The following BTBD9 variants were observed in gnomAD, a reference collection of about 807,000 sequenced individuals.
BTBD9 encodes the protein BTB/POZ domain-containing protein 9.
BTBD9 carries 49 observed loss-of-function variants against 64.3 expected under a neutral mutation model. That is an observed-to-expected ratio of 0.76 (90% CI 0.61 to 0.97). The LOEUF (loss-of-function observed/expected upper bound fraction) is 0.97. BTBD9 is among the 50% of genes least tolerant of loss of function. The probability of loss-of-function intolerance (pLI) is 0.00; values close to 1 mark genes in which losing one functional copy is unlikely to be tolerated. For missense variants in BTBD9, 598 were observed against 762.1 expected (o/e 0.78, Z 2.53); for synonymous variants, 260 against 274.7 (o/e 0.95, Z 0.53).
intron 6 of BTBD9, among the ~76,000 whole-genome samples, chr6:38,556,974 T>C (rs535861962): frequency 2.6e-5 from 3 of 117,298 alleles, no homozygotes; most frequent in South Asian, 3.0e-4. Context: ...GATCGGGCCA[T>C]TGCACTCCAG....
chr6:38,451,098 TC>T (rs1769521683), intron 6 of BTBD9, among the ~76,000 whole-genome samples: 1 of 152,136 alleles, frequency 6.6e-6, no homozygotes, highest in African/African-American at 2.4e-5. Flanking sequence ...TCACATATGA[TC>T]CCCGATTACT....
At chr6:38,192,701 TCGGAGACCTGC>T (rs981211716) in intron 9 of BTBD9, 104 bp from the exon 10 acceptor site, 7 of 980,254 alleles carry the variant, frequency 7.1e-6, no homozygotes, top group African/African-American at 1.6e-5. Flanking sequence ...CTTCCTGTCC[TCGGAGACCTGC>T]ACTATAGGAG....
intron 8 of BTBD9, among the ~76,000 whole-genome samples, chr6:38,271,615 T>G (rs892734380): frequency 2.0e-5 from 3 of 151,788 alleles, no homozygotes; most frequent in African/African-American, 7.3e-5. Flanking sequence ...CCACAGAGAC[T>G]GTATGGCCTG....
At chr6:38,381,407 T>C (rs1323928967) in intron 6 of BTBD9, among the ~76,000 whole-genome samples, 3 of 152,258 alleles carry the variant, frequency 2.0e-5, no homozygotes, top group African/African-American at 7.2e-5. Context: ...TAATTATAAA[T>C]ATATAACAAT....
intron 6 of BTBD9, among the ~76,000 whole-genome samples, chr6:38,390,678 G>C (rs1298759104): frequency 2.6e-5 from 4 of 152,156 alleles, no homozygotes; most frequent in Admixed American, 2.6e-4. Context: ...AACATGCACA[G>C]TATCACCTAC....
chr6:38,241,900 G>A (rs1025964203), intron 9 of BTBD9, among the ~76,000 whole-genome samples: 15 of 152,086 alleles, frequency 9.9e-5, no homozygotes, highest in South Asian at 2.1e-4. Context: ...AAGGAAAAGG[G>A]AAGAAAAACA....
intron 6 of BTBD9, among the ~76,000 whole-genome samples, chr6:38,399,554 C>T (rs1486023518): frequency 6.6e-6 from 1 of 152,136 alleles, no homozygotes; most frequent in Non-Finnish European, 1.5e-5. Context: ...ACCCCAGATG[C>T]GTTTGGTAAT....
chr6:38,226,957 A>C (rs1474296515), intron 9 of BTBD9, among the ~76,000 whole-genome samples: 6 of 152,238 alleles, frequency 3.9e-5, no homozygotes, highest in African/African-American at 1.4e-4. Flanking sequence ...AAAGATCCAA[A>C]GACAGCAGGT....
chr6:38,313,776 G>A (rs1762934254), intron 7 of BTBD9, among the ~76,000 whole-genome samples: 1 of 140,388 alleles, frequency 7.1e-6, no homozygotes, highest in Non-Finnish European at 1.5e-5. Context: ...TTGAGATGGA[G>A]TCTCACTCCG....
intron 6 of BTBD9, among the ~76,000 whole-genome samples, chr6:38,478,227 T>A (rs1770982008): frequency 6.6e-6 from 1 of 152,210 alleles, no homozygotes; most frequent in Admixed American, 6.5e-5. Flanking sequence ...AGGAGAAACA[T>A]GTGCAAAGGA....
chr6:38,298,489 T>A (rs1034484922), intron 7 of BTBD9, among the ~76,000 whole-genome samples: 2 of 152,324 alleles, frequency 1.3e-5, no homozygotes, highest in South Asian at 2.1e-4. Context: ...TATTTGTTGT[T>A]TCTATGTACT....
At chr6:38,346,854 G>T (rs1335156471) in intron 6 of BTBD9, among the ~76,000 whole-genome samples, 1 of 152,154 alleles carries the variant, frequency 6.6e-6, no homozygotes, top group Admixed American at 6.5e-5. Context: ...GAGTGCTGCT[G>T]TCTGCAACCT....
intron 8 of BTBD9, among the ~76,000 whole-genome samples, chr6:38,264,269 C>T (rs1470473384): frequency 2.6e-5 from 4 of 152,010 alleles, no homozygotes; most frequent in Non-Finnish European, 5.9e-5. Flanking sequence ...GGTCAGAGAA[C>T]GAAGGGCCAG....
chr6:38,508,998 C>T (rs540005121), intron 6 of BTBD9, among the ~76,000 whole-genome samples: 51 of 152,194 alleles, frequency 3.4e-4, no homozygotes, highest in Non-Finnish European at 5.3e-4. Context: ...ACCTTAGAAC[C>T]AGTGAGTCAG....
At chr6:38,333,471 G>A (rs369018674) in intron 7 of BTBD9, among the ~76,000 whole-genome samples, 6 of 152,230 alleles carry the variant, frequency 3.9e-5, no homozygotes, top group South Asian at 2.1e-4. Context: ...ATGTCAAATC[G>A]TAACTCCCAG....
At chr6:38,310,183 G>C (rs1762777389) in intron 7 of BTBD9, among the ~76,000 whole-genome samples, 1 of 152,140 alleles carries the variant, frequency 6.6e-6, no homozygotes, top group Non-Finnish European at 1.5e-5. Flanking sequence ...ATTCAGTATT[G>C]AGACTCCTTA....
At chr6:38,306,501 T>G (rs1762628799) in intron 7 of BTBD9, among the ~76,000 whole-genome samples, 1 of 152,254 alleles carries the variant, frequency 6.6e-6, no homozygotes, top group Non-Finnish European at 1.5e-5. Context: ...AAGTTGCATG[T>G]TAACAAAGTG....
chr6:38,192,503 G>T lies in BTBD9; in HGVS notation c.1641+16C>A. 6.2e-7 allele frequency: 1 copy of T among 1,608,540 alleles called. No homozygotes were observed. Among genetic ancestry groups the T allele is most frequent in the Non-Finnish European group, 8.5e-7 (1 of 1,175,456 alleles). ...CATGAAATCTCATGGCACCTCTCATGAAAAGAGACCCTTACCTCATTTGCT... is the reference window on the plus strand; with the variant it reads ...CATGAAATCTCATGGCACCTCTCATTAAAAGAGACCCTTACCTCATTTGCT... On this transcript the variant is annotated intron_variant, in intron 10 of 10. Transcript: ENST00000481247.
chr6:38,210,376 T>C (rs774874766), intron 9 of BTBD9, among the ~76,000 whole-genome samples: 1 of 152,154 alleles, frequency 6.6e-6, no homozygotes, highest in Non-Finnish European at 1.5e-5. Flanking sequence ...CTCAAACACA[T>C]AAACAGACTC....
Sources: gnomAD v4.1 joint callset for allele counts (sites outside exome capture counted in the v4.1 genomes callset) on GRCh38, gnomAD v4.1.1 for gene constraint, MANE v1.5 for transcripts, NCBI Gene and HGNC (gene_info 2026-07-23, HGNC 2026-07-21) for gene names.